The following DNAH10 variants were observed in gnomAD, a reference collection of about 807,000 sequenced individuals.
DNAH10 encodes the protein axonemal beta dynein heavy chain 10.
In DNAH10, 348 loss-of-function variants were observed where a neutral mutation model predicts 506.6. The ratio of observed to expected loss-of-function variants is 0.69; its 90% CI spans 0.63 to 0.75. The LOEUF (loss-of-function observed/expected upper bound fraction) is 0.75. Among genes scored for constraint, DNAH10 ranks in the 30% least tolerant of loss-of-function variants. DNAH10 has a pLI of 0.00. For synonymous variants in DNAH10, 2,059 were observed against 2,198.6 expected, an observed-to-expected ratio of 0.94 and a Z score of 1.78; for missense variants, 5,179 against 5,787.1, an observed-to-expected ratio of 0.89 and a Z score of 3.41.
In DNAH10 at chr12:123,785,211, G is replaced by A. The variant is rs886373387; in HGVS notation, c.1231-535G>A. Among the ~76,000 whole-genome samples, 2 of 152,134 alleles carry A rather than the reference G, an allele frequency of 1.3e-5. No individual in the cohort carries two copies. The highest frequency in any genetic ancestry group is 2.9e-5 in the Non-Finnish European group (2 of 68,020). ...TTTTACATTCTGAAGAGCAATACAC[G>A]AAGGTTCTGGTTTTTCCGTATCTTC... On this transcript the variant is annotated intron_variant, in intron 8 of 78. Transcript: ENST00000673944. This position sits in a 1 kb window ranked among gnomAD's most constrained non-coding sequence, Gnocchi z 4.1.
rs765050278 is a variant in DNAH10, at chr12:123,801,413, G to A, written c.2595G>A (p.Arg865=). ...LLRVFRSGYK[R]LNWNSLGIGD... is the part of the protein sequence containing the mutation. ...GAGTGTTTAGGTCGGGATATAAGAG[G>A]TTGAACTGGAACTCACTAGGTAACG... is the stretch of plus-strand genomic sequence containing the variant. Residue 865 remains arginine (R), a synonymous_variant, in exon 16 of 79, where the codon AGG becomes AGA. Transcript: ENST00000673944. 8.1e-6 allele frequency: 13 copies of A among 1,613,980 alleles called. No homozygotes were observed. Among genetic ancestry groups the A allele is most frequent in the Non-Finnish European group, 1.0e-5 (12 of 1,179,986 alleles).
intron 5 of DNAH10, among the ~76,000 whole-genome samples, chr12:123,774,611 G>T (rs1477351144): frequency 6.6e-6 from 1 of 152,210 alleles, no homozygotes; most frequent in African/African-American, 2.4e-5. Context: ...TATGGGAAAC[G>T]AAGGGATGGG....
Position 123,762,527 on chromosome 12 carries a change from C to CGGAGGA in DNAH10, c.194_199dup (p.Glu65_Glu66dup). Reference sequence around the variant, plus strand: ...CTCTTCATCTACCGCACTATGGTGCCGGAGGAGGTGGAGGTGGAGATTGGT... The same window carrying CGGAGGA: ...CTCTTCATCTACCGCACTATGGTGCCGGAGGAGGAGGAGGTGGAGGTGGAGATTGGT... On this transcript the variant is annotated inframe_insertion, in exon 1 of 79. Transcript: ENST00000673944. The surrounding 1 kb of genome is among the most constrained non-coding windows in gnomAD (Gnocchi z 5.0). 6.4e-7 allele frequency: 1 copy of CGGAGGA among 1,558,616 alleles called. No individual in the cohort carries two copies.
Position 123,931,985 on chromosome 12 carries a change from G to C in DNAH10, c.13173G>C (p.Val4391=). The change falls in exon 76 of 79, where the codon GTG becomes GTC. Residue 4391 remains valine, a synonymous_variant. Coordinates refer to ENST00000673944, the MANE Select transcript of DNAH10 (RefSeq NM_001372106.1). The stretch of plus-strand genomic sequence containing the variant: ...GAATGAGCAATGAGTTAGATGATGT[G>C]GCCAGGTCTCTTTTTATCGGGCATA... ...EVGMSNELDD[V]ARSLFIGHIP... 1 of 1,614,020 alleles carries C rather than the reference G, an allele frequency of 6.2e-7. No individual in the cohort carries two copies. The highest frequency in any genetic ancestry group is 8.5e-7 in the Non-Finnish European group (1 of 1,179,902).
intron 12 of DNAH10, among the ~76,000 whole-genome samples, chr12:123,796,389 G>A (rs916978144): frequency 6.6e-6 from 1 of 152,056 alleles, no homozygotes; most frequent in African/African-American, 2.4e-5. Flanking sequence ...CCTGGGAGGC[G>A]GAGTTTTCAG....
chr12:123,838,433 G>A (rs766400610), intron 28 of DNAH10, 23 bp from the exon 29 acceptor site: 60 of 1,598,412 alleles, frequency 3.8e-5, no homozygotes, highest in Non-Finnish European at 4.5e-5. Flanking sequence ...CCTGCTTGAC[G>A]GCTGTCCTCT....
chr12:123,875,582 G>C (rs1254048346), intron 47 of DNAH10, 91 bp downstream of exon 47: 2 of 1,491,036 alleles, frequency 1.3e-6, no homozygotes. Context: ...AGGCACAGCA[G>C]GGTTAGGGCC....
rs1400307926 is a variant in DNAH10 at position 123,930,472 on chromosome 12, T to C, written c.12683T>C (p.Leu4228Pro). The change falls in exon 73 of 79, where the codon CTG (leucine) becomes CCG (proline). Residue 4228 changes from leucine (L) to proline (P), a missense_variant. Leu to Pro is a moderately conservative substitution (Grantham distance 98). Transcript: ENST00000673944. ...CTGACCATCTACATGGATGAGTACC[T>C]GGGGGACTTCATTTTTGATACTTTC... ...RILTIYMDEY[L>P]GDFIFDTFQP... 1 of 1,611,432 alleles carries C rather than the reference T, an allele frequency of 6.2e-7. No individual in the cohort carries two copies.
intron 56 of DNAH10, among the ~76,000 whole-genome samples, chr12:123,899,105 C>T (rs1335735451): frequency 6.6e-6 from 1 of 152,178 alleles, no homozygotes; most frequent in Non-Finnish European, 1.5e-5. Context: ...AAAAGTCACT[C>T]GACCCTCTAT....
chr12:123,784,147 C>G lies in DNAH10; in HGVS notation c.1200C>G (p.Arg400=), dbSNP rs373894230. The change falls in exon 8 of 79, where the codon CGC becomes CGG. Residue 400 remains arginine (R), a synonymous_variant. Coordinates refer to ENST00000673944, the MANE Select transcript of DNAH10 (RefSeq NM_001372106.1). ...ACACGGAGGCCTCAGACAATGTGCG[C>G]TTTCTCTCCACCGTGGAGCGTTATT... is the stretch of plus-strand genomic sequence containing the variant. The part of the protein sequence containing the change: ...KFHTEASDNV[R]FLSTVERYFK... 79 of 1,614,132 alleles carry G rather than the reference C, an allele frequency of 4.9e-5. No individual in the cohort carries two copies. The highest frequency in any genetic ancestry group is 1.2e-4 in the Admixed American group (7 of 60,012).
Position 123,931,632 on chromosome 12 carries a change from T to C in DNAH10, c.12917-4T>C. On this transcript the variant is annotated splice_region_variant and splice_polypyrimidine_tract_variant and intron_variant, in intron 74 of 78. Transcript: ENST00000673944. The stretch of plus-strand genomic sequence containing the variant: ...GCTTTCTCTGAAAAGTGTCCTGGTT[T>C]TAGGGGAATCCAGCAGTGGTATCAG... 2.5e-6 allele frequency: 4 copies of C among 1,613,708 alleles called. No homozygotes were observed. Among genetic ancestry groups the C allele is most frequent in the Non-Finnish European group, 3.4e-6 (4 of 1,179,782 alleles).
At chr12:123,924,958 C>T (rs1954876211) in intron 67 of DNAH10, 92 bp from the exon 68 acceptor site, 1 of 1,531,652 alleles carries the variant, frequency 6.5e-7, no homozygotes, top group Non-Finnish European at 8.8e-7. Flanking sequence ...GATTCTCGTC[C>T]CTTTCCAGTG....
intron 10 of DNAH10, 25 bp from the exon 11 acceptor site, chr12:123,789,902 C>T (rs1203989013): frequency 3.8e-6 from 6 of 1,598,248 alleles, no homozygotes; most frequent in South Asian, 1.1e-5. Context: ...ATGTAATCTC[C>T]TCATTGTTCC....
rs780437888 is a variant in DNAH10 at position 123,914,339 on chromosome 12, G to A, written c.10363G>A (p.Asp3455Asn). 1.9e-5 allele frequency: 30 copies of A among 1,611,702 alleles called. No individual in the cohort carries two copies. Among genetic ancestry groups the A allele is most frequent in the African/African-American group, 8.0e-5 (6 of 74,928 alleles). ...LGSENIRWLN[D>N]LDELMHRRVK... ...CTCCTCCCGTGCCAGGTGGCTGAAC[G>A]ACCTGGATGAGCTGATGCACCGGCG... Residue 3455 changes from aspartate to asparagine, a missense_variant, in exon 61 of 79, where the codon GAC becomes AAC. Asp to Asn is a conservative substitution (Grantham distance 23). Transcript: ENST00000673944.
At chr12:123,915,853 C>T (rs111470168) in intron 62 of DNAH10, among the ~76,000 whole-genome samples, 1,719 of 152,284 alleles carry the variant, frequency 0.011, 27 homozygotes, top group African/African-American at 0.038. Context: ...TCTATGTGGC[C>T]ATGTGTTTTC....
rs1277361887 is a variant in DNAH10 at position 123,926,882 on chromosome 12, A to G, written c.12105+62A>G. The G allele has an allele frequency of 5.1e-6, 8 of 1,576,802 alleles. No homozygotes were observed. The highest frequency in any genetic ancestry group is 2.3e-5 in the East Asian group (1 of 44,296). ...GGGGAGGTCCCTGGTGTCTGCTAAG[A>G]AGGAGCTAACCTGGGTTTAAGCTGA... is the stretch of plus-strand genomic sequence containing the variant. On this transcript the variant is annotated intron_variant, in intron 69 of 78. Transcript: ENST00000673944. This position sits in a 1 kb window ranked among gnomAD's most constrained non-coding sequence, Gnocchi z 4.1.
intron 65 of DNAH10, among the ~76,000 whole-genome samples, chr12:123,920,178 GGATTTGTTTA>G (rs1392035727): frequency 6.6e-6 from 1 of 152,170 alleles, no homozygotes; most frequent in Non-Finnish European, 1.5e-5. Context: ...GATTAGCTCT[GGATTTGTTTA>G]TATGTAACAC....
chr12:123,850,616 ACT>A lies in DNAH10; in HGVS notation c.6103-269_6103-268del, dbSNP rs1164227998. ...ACACAGCTTCTTGTATCAGCCCCAGACTCTGTGCTTCGCCAACCTGGGCCCCT... is the reference window on the plus strand; with the variant it reads ...ACACAGCTTCTTGTATCAGCCCCAGACTGTGCTTCGCCAACCTGGGCCCCT... On this transcript the variant is annotated intron_variant, in intron 34 of 78. Transcript: ENST00000673944. The surrounding 1 kb of genome is among the most constrained non-coding windows in gnomAD (Gnocchi z 5.5). 2.6e-5 allele frequency among the ~76,000 whole-genome samples: 4 copies of A among 151,842 alleles called. No homozygotes were observed. The highest frequency in any genetic ancestry group is 9.7e-5 in the African/African-American group (4 of 41,286).
chr12:123,882,032 G>C (rs1382195726), intron 51 of DNAH10: 5 of 410,186 alleles, frequency 1.2e-5, no homozygotes, highest in Admixed American at 4.4e-5. Flanking sequence ...GTGTTCTTTG[G>C]CTTAGGATAG....
Sources: allele counts gnomAD v4.1 joint callset (sites outside exome capture counted in the v4.1 genomes callset), GRCh38; gene constraint gnomAD v4.1.1; non-coding constraint Gnocchi (gnomAD v3.1); transcripts MANE v1.5; gene names NCBI Gene and HGNC (gene_info 2026-07-23, HGNC 2026-07-21).